INVS: variants seen among roughly 807,000 people sequenced by gnomAD.
INVS encodes the protein inversin.
INVS carries 86 observed loss-of-function variants against 108.8 expected under a neutral mutation model. The observed-to-expected ratio is 0.79, with a 90% CI of 0.66 to 0.95. The LOEUF is 0.95. INVS is among the 40% of genes least tolerant of loss of function. The pLI, the probability that INVS is intolerant of heterozygous loss-of-function variation, is 0.00. For synonymous variants in INVS, 455 were observed against 473.5 expected, an observed-to-expected ratio of 0.96 and a Z score of 0.51; for missense variants, 1,169 against 1,297.4, an observed-to-expected ratio of 0.90 and a Z score of 1.52.
At chr9:100,293,139 T>C in intron 14 of INVS, 96 bp downstream of exon 14, 5 of 1,252,410 alleles carry the variant, frequency 4.0e-6, no homozygotes, top group Admixed American at 3.5e-5. Context: ...GTGAGTTCCA[T>C]GTGGTGGCAT....
At chr9:100,185,575 T>C (rs909293758) in intron 3 of INVS, among the ~76,000 whole-genome samples, 4 of 144,336 alleles carry the variant, frequency 2.8e-5, no homozygotes, top group Admixed American at 1.5e-4. Context: ...TAGTAGCTTT[T>C]ATAGTGCAAG....
At chr9:100,271,906 T>C (rs2118663461) in intron 11 of INVS, among the ~76,000 whole-genome samples, 1 of 152,010 alleles carries the variant, frequency 6.6e-6, no homozygotes, top group East Asian at 1.9e-4. Context: ...TCTCACTCTG[T>C]CACCCAGTCT....
intron 5 of INVS, among the ~76,000 whole-genome samples, chr9:100,237,905 G>A (rs1325429850): frequency 6.6e-6 from 1 of 152,092 alleles, no homozygotes; most frequent in East Asian, 1.9e-4. Flanking sequence ...TTGGGACAGA[G>A]CCTTGGGCTG....
At chr9:100,139,493 T>C (rs540688870) in intron 3 of INVS, among the ~76,000 whole-genome samples, 1 of 152,364 alleles carries the variant, frequency 6.6e-6, no homozygotes, top group South Asian at 2.1e-4. Flanking sequence ...TATTTCCAGC[T>C]ATCTTCTAGA....
chr9:100,203,306 G>A (rs1423500642), intron 3 of INVS, among the ~76,000 whole-genome samples: 1 of 151,904 alleles, frequency 6.6e-6, no homozygotes, highest in Non-Finnish European at 1.5e-5. Flanking sequence ...CTATTACTCA[G>A]TAGCTCGACT....
chr9:100,153,743 T>C (rs534310088), intron 3 of INVS, among the ~76,000 whole-genome samples: 1 of 152,286 alleles, frequency 6.6e-6, no homozygotes, highest in South Asian at 2.1e-4. Flanking sequence ...CTTCAAGCTG[T>C]GTCATTCCAC....
intron 3 of INVS, among the ~76,000 whole-genome samples, chr9:100,132,127 G>A (rs1221663841): frequency 6.6e-6 from 1 of 152,096 alleles, no homozygotes; most frequent in Non-Finnish European, 1.5e-5. Flanking sequence ...GCCCAGTAAA[G>A]CTATTTGAAG....
At chr9:100,171,618 T>C (rs903565979) in intron 3 of INVS, among the ~76,000 whole-genome samples, 2 of 152,172 alleles carry the variant, frequency 1.3e-5, no homozygotes, top group Admixed American at 6.6e-5. Context: ...TAAATTTGAA[T>C]ATTTACTGAA....
At position 100,292,973 on chromosome 9, in the gene INVS, G is replaced by A; in HGVS notation, c.2716G>A (p.Glu906Lys). 1.9e-6 allele frequency: 3 copies of A among 1,613,634 alleles called. No individual in the cohort carries two copies. The highest frequency in any genetic ancestry group is 2.5e-6 in the Non-Finnish European group (3 of 1,179,540). Residue 906 changes from glutamate to lysine, a missense_variant, in exon 14 of 17, where the codon GAA becomes AAA. By Grantham distance (56) the Glu-to-Lys change is moderately conservative. Coordinates refer to ENST00000262457, the MANE Select transcript of INVS (RefSeq NM_014425.5). Reference protein sequence around the residue: ...VELRLQIIQRERRRKELFRKK... With the variant: ...VELRLQIIQRKRRRKELFRKK... ...GCTCCGACTGCAGATAATTCAGAGA[G>A]AACGAAGGAGGAAGGAGCTGTTTCG...
At chr9:100,234,425 C>G (rs189794524) in intron 5 of INVS, among the ~76,000 whole-genome samples, 6 of 152,134 alleles carry the variant, frequency 3.9e-5, no homozygotes, top group African/African-American at 1.4e-4. Flanking sequence ...TTTGTTTGCT[C>G]TTGATTCTCT....
chr9:100,118,621 A>G (rs1481072462), intron 2 of INVS, among the ~76,000 whole-genome samples: 2 of 151,942 alleles, frequency 1.3e-5, no homozygotes, highest in Non-Finnish European at 2.9e-5. Flanking sequence ...TTGTTTTTGT[A>G]TATGTTTTTG....
At chr9:100,163,186 ATT>A (rs556149756) in intron 3 of INVS, among the ~76,000 whole-genome samples, 13 of 131,826 alleles carry the variant, frequency 9.9e-5, no homozygotes, top group Non-Finnish European at 1.3e-4. Flanking sequence ...TGTTCTTTCT[ATT>A]TTTTTTTTTT....
intron 3 of INVS, among the ~76,000 whole-genome samples, chr9:100,215,194 C>T (rs910510122): frequency 6.6e-6 from 1 of 152,100 alleles, no homozygotes; most frequent in Non-Finnish European, 1.5e-5. Flanking sequence ...CAAAATGAAT[C>T]CAGGTGGGTA....
chr9:100,293,037 G>C lies in INVS; in HGVS notation c.2780G>C (p.Trp927Ser). 6.2e-7 allele frequency: 1 copy of C among 1,613,406 alleles called. No individual in the cohort carries two copies. The highest frequency in any genetic ancestry group is 8.5e-7 in the Non-Finnish European group (1 of 1,179,890). The change falls in exon 14 of 17, where the codon TGG becomes TCG. Residue 927 changes from tryptophan (W) to serine (S), a missense_variant. Transcript: ENST00000262457. ...GCAGCAGCAGTCATCCAGCGCGCCT[G>C]GCGAAGGTAGGAAAATGGGGTGCTG... ...NKAAAVIQRA[W>S]RSYQLRKHLS...
intron 3 of INVS, among the ~76,000 whole-genome samples, chr9:100,168,438 A>G (rs1342048903): frequency 2.6e-5 from 4 of 152,228 alleles, no homozygotes; most frequent in African/African-American, 9.6e-5. Flanking sequence ...TTTGGCCTCC[A>G]GGGCAGATAA....
intron 3 of INVS, among the ~76,000 whole-genome samples, chr9:100,199,475 A>G (rs1830476738): frequency 6.6e-6 from 1 of 151,900 alleles, no homozygotes; most frequent in South Asian, 2.1e-4. Context: ...TCTCTTTTGC[A>G]TTAATCAAAT....
intron 13 of INVS, 148 bp downstream of exon 13, chr9:100,284,751 G>T: frequency 3.5e-6 from 3 of 864,490 alleles, no homozygotes; most frequent in Non-Finnish European, 5.3e-6. Context: ...TGTTTCCTCT[G>T]GTTCTCAGTT....
At chr9:100,169,060 TTAAAC>T (rs1264102935) in intron 3 of INVS, among the ~76,000 whole-genome samples, 2 of 152,216 alleles carry the variant, frequency 1.3e-5, no homozygotes, top group Non-Finnish European at 2.9e-5. Flanking sequence ...AAGTGAGACA[TTAAAC>T]TGATAGATTA....
chr9:100,119,410 T>C (rs1432643011), intron 2 of INVS, among the ~76,000 whole-genome samples: 3 of 152,248 alleles, frequency 2.0e-5, no homozygotes, highest in Non-Finnish European at 4.4e-5. Flanking sequence ...ACAACAAACA[T>C]TTATTACTTC....
Sources: allele counts gnomAD v4.1 joint callset (sites outside exome capture counted in the v4.1 genomes callset), GRCh38; gene constraint gnomAD v4.1.1; transcripts MANE v1.5; gene names NCBI Gene and HGNC (gene_info 2026-07-23, HGNC 2026-07-21).